KLF12: variants seen among roughly 807,000 people sequenced by gnomAD.
KLF12 encodes KLF transcription factor 12, also known as Krueppel-like factor 12.
In KLF12, 9 loss-of-function variants were observed where a neutral mutation model predicts 37.8. That is an observed-to-expected ratio of 0.24 (90% CI 0.14 to 0.42). KLF12 has a LOEUF of 0.42. Among genes scored for constraint, KLF12 ranks in the 10% least tolerant of loss-of-function variants. The probability of loss-of-function intolerance (pLI) is 1.00; values close to 1 mark genes in which losing one functional copy is unlikely to be tolerated. For missense variants in KLF12, 411 were observed against 516.0 expected, an observed-to-expected ratio of 0.80 and a Z score of 1.97; for synonymous variants, 208 against 202.1, an observed-to-expected ratio of 1.03 and a Z score of -0.25.
intron 2 of KLF12, among the ~76,000 whole-genome samples, chr13:73,989,853 A>T (rs771712408): frequency 6.6e-6 from 1 of 152,178 alleles, no homozygotes; most frequent in Non-Finnish European, 1.5e-5. Flanking sequence ...AAGCAAACAG[A>T]TGAGGAATTT....
intron 4 of KLF12, among the ~76,000 whole-genome samples, chr13:73,828,037 G>C (rs1883946400): frequency 6.6e-6 from 1 of 151,622 alleles, no homozygotes. Context: ...CATATGTGTG[G>C]GCACTAAGCT....
chr13:73,850,710 T>C (rs762371273), intron 3 of KLF12, among the ~76,000 whole-genome samples: 6 of 152,204 alleles, frequency 3.9e-5, no homozygotes, highest in Non-Finnish European at 8.8e-5. Context: ...GGGGCTGACA[T>C]ACATGGGCAT....
the KLF12 span, among the ~76,000 whole-genome samples, chr13:74,243,073 A>G: frequency 6.6e-6 from 1 of 152,150 alleles, no homozygotes; most frequent in Non-Finnish European, 1.5e-5. Flanking sequence ...CCCTGTAGGC[A>G]TTAGATATTT....
chr13:74,207,808 T>C, the KLF12 span, among the ~76,000 whole-genome samples: 1 of 152,206 alleles, frequency 6.6e-6, no homozygotes, highest in African/African-American at 2.4e-5. Flanking sequence ...TATTTGACTG[T>C]TGCGTTTTTA....
At chr13:74,007,602 A>G (rs116299447) in intron 1 of KLF12, among the ~76,000 whole-genome samples, 1,704 of 152,280 alleles carry the variant, frequency 0.011, 21 homozygotes, top group African/African-American at 0.034. Context: ...CATTACCCCA[A>G]TACAGCTAAT....
In KLF12 at chr13:73,770,679, G is replaced by A. The variant is rs1280242327; in HGVS notation, c.807-5679C>T. ...CTGGGATTACAGGCATGCGCCACCT[G>A]TAATGGCTAATTTTTGTATTTTTAG... On this transcript the variant is annotated intron_variant, in intron 5 of 7. Coordinates refer to ENST00000377669, the MANE Select transcript of KLF12 (RefSeq NM_007249.5). Among the ~76,000 whole-genome samples the A allele has an allele frequency of 4.6e-4, 69 of 151,628 alleles. 2 individuals carry two copies. Among genetic ancestry groups the A allele is most frequent in the Admixed American group, 4.5e-3 (69 of 15,214 alleles).
intron 4 of KLF12, among the ~76,000 whole-genome samples, chr13:73,836,727 AG>A (rs1884455264): frequency 6.6e-6 from 1 of 152,214 alleles, no homozygotes; most frequent in South Asian, 2.1e-4. Context: ...GGGAAATAAA[AG>A]ATATTACACA....
At chr13:74,166,379 A>G in the KLF12 span, among the ~76,000 whole-genome samples, 1 of 152,120 alleles carries the variant, frequency 6.6e-6, no homozygotes, top group Admixed American at 6.5e-5. Context: ...GGCACGATCC[A>G]CTGTGCCTGG....
intron 3 of KLF12, among the ~76,000 whole-genome samples, chr13:73,920,836 C>G (rs1050977241): frequency 1.3e-5 from 2 of 152,136 alleles, no homozygotes; most frequent in East Asian, 1.9e-4. Context: ...AAGCAGCAAG[C>G]CTCAGAACCA....
At chr13:74,066,289 C>T (rs569538386) in intron 1 of KLF12, among the ~76,000 whole-genome samples, 1 of 152,152 alleles carries the variant, frequency 6.6e-6, no homozygotes, top group Non-Finnish European at 1.5e-5. Flanking sequence ...TCTAAAAGTC[C>T]AGCACACTTT....
At chr13:74,227,337 T>A in the KLF12 span, among the ~76,000 whole-genome samples, 1 of 152,108 alleles carries the variant, frequency 6.6e-6, no homozygotes, top group Non-Finnish European at 1.5e-5. Context: ...AATGAGTGTG[T>A]TTGTGGTTAA....
chr13:74,052,364 A>T (rs1872978943), intron 1 of KLF12, among the ~76,000 whole-genome samples: 1 of 152,172 alleles, frequency 6.6e-6, no homozygotes, highest in Admixed American at 6.5e-5. Flanking sequence ...GATAATTCTG[A>T]GAATTACATT....
intron 1 of KLF12, among the ~76,000 whole-genome samples, chr13:74,069,322 G>A (rs548950060): frequency 1.8e-4 from 27 of 152,272 alleles, no homozygotes; most frequent in Admixed American, 1.3e-4. Flanking sequence ...CAAATCCCCC[G>A]CGAATATGAA....
intron 6 of KLF12, among the ~76,000 whole-genome samples, chr13:73,729,170 C>A (rs1318819212): frequency 1.3e-4 from 20 of 152,192 alleles, no homozygotes; most frequent in Admixed American, 1.3e-3. Context: ...AGACCTGGCC[C>A]ATCCCTATTT....
intron 1 of KLF12, among the ~76,000 whole-genome samples, chr13:74,035,616 C>A (rs547829702): frequency 1.3e-5 from 2 of 152,250 alleles, no homozygotes; most frequent in South Asian, 4.1e-4. Flanking sequence ...TAGAAGTAAT[C>A]TTTCTCTCAC....
intron 2 of KLF12, among the ~76,000 whole-genome samples, chr13:73,950,117 T>C (rs553039829): frequency 2.0e-5 from 3 of 152,230 alleles, no homozygotes; most frequent in Admixed American, 6.5e-5. Context: ...AATTTCCTGA[T>C]AGCAATTATC....
chr13:74,115,996 G>A (rs1877281226), intron 1 of KLF12, among the ~76,000 whole-genome samples: 2 of 152,156 alleles, frequency 1.3e-5, no homozygotes. Flanking sequence ...ATATCTTACT[G>A]AGATTTACCA....
chr13:73,715,656 A>C, intron 6 of KLF12, 131 bp from the exon 7 acceptor site: 1 of 899,782 alleles, frequency 1.1e-6, no homozygotes, highest in Non-Finnish European at 1.7e-6. Context: ...AGTTCTTGCT[A>C]CCACTATCTT....
chr13:74,081,175 A>G (rs1447569509), intron 1 of KLF12, among the ~76,000 whole-genome samples: 1 of 152,220 alleles, frequency 6.6e-6, no homozygotes, highest in African/African-American at 2.4e-5. Flanking sequence ...GCCCTGCCAC[A>G]TAACTGCCAG....
Sources: allele counts gnomAD v4.1 joint callset (sites outside exome capture counted in the v4.1 genomes callset), GRCh38; gene constraint gnomAD v4.1.1; transcripts MANE v1.5; gene names NCBI Gene and HGNC (gene_info 2026-07-23, HGNC 2026-07-21).